PSG1: variants seen among roughly 807,000 people sequenced by gnomAD.
PSG1 encodes the protein pregnancy specific beta-1-glycoprotein 1, also known as pregnancy-specific beta-1-glycoprotein 1.
A neutral mutation model predicts 41.4 loss-of-function variants in PSG1; 60 were observed. The observed-to-expected ratio is 1.45, with a 90% CI of 1.18 to 1.80. The LOEUF (loss-of-function observed/expected upper bound fraction) is 1.80. PSG1 is among the 40% of genes most tolerant of loss of function. The pLI is 0.00. For missense variants in PSG1, 806 were observed against 516.9 expected, an observed-to-expected ratio of 1.56 and a Z score of -5.42; for synonymous variants, 256 against 192.9, an observed-to-expected ratio of 1.33 and a Z score of -2.71.
chr19:42,871,350 C>T, intron 3 of PSG1, among the ~76,000 whole-genome samples: 1 of 151,514 alleles, frequency 6.6e-6, no homozygotes, highest in African/African-American at 2.4e-5. Flanking sequence ...ATGGTGGGGG[C>T]ATCCAGGCCA....
chr19:42,871,979 C>T lies in PSG1; in HGVS notation c.497G>A (p.Ser166Asn), dbSNP rs757930979. ...LNPRETMEAV[S>N]LTCDPETPDA... ...TGGAGTCTCAGGGTCACAGGTTAAG[C>T]TCACAGCCTCCATGGTCTCCCTGGG... Residue 166 changes from serine (S) to asparagine (N), a missense_variant, in exon 3 of 6, where the codon AGC (serine) becomes AAC (asparagine). Physicochemically the swap from Ser to Asn is conservative, Grantham distance 46. Coordinates refer to ENST00000436291, the MANE Select transcript of PSG1 (RefSeq NM_001184825.2). 1 of 1,612,506 alleles carries T rather than the reference C, an allele frequency of 6.2e-7. No individual in the cohort carries two copies. Among genetic ancestry groups the T allele is most frequent in the East Asian group, 2.2e-5 (1 of 44,792 alleles).
Position 42,868,711 on chromosome 19 carries a change from A to G in PSG1, c.988+45T>C, listed in dbSNP as rs578152046. ...AGAGGCCTGGCATCTGGTGGTTTGG[A>G]TTTAAGCTGGTGTCCTGGCCCACAG... On this transcript the variant is annotated intron_variant, in intron 4 of 5. Transcript: ENST00000436291. 5 of 1,606,272 alleles carry G rather than the reference A, an allele frequency of 3.1e-6. No individual in the cohort carries two copies. The East Asian group carries it at 8.9e-5, about 29-fold the overall frequency.
chr19:42,879,379 T>C (rs184592675), intron 1 of PSG1, 139 bp downstream of exon 1: 27 of 1,354,774 alleles, frequency 2.0e-5, no homozygotes, highest in East Asian at 1.3e-4. Context: ...ATCTTGAACT[T>C]CTGATCTCAT....
intron 3 of PSG1, 183 bp from the exon 4 acceptor site, chr19:42,869,217 C>T: frequency 1.5e-6 from 2 of 1,338,152 alleles, no homozygotes; most frequent in Non-Finnish European, 2.0e-6. Flanking sequence ...TGTGAGGCCG[C>T]CTTCTCTGTC....
intron 2 of PSG1, among the ~76,000 whole-genome samples, chr19:42,872,609 C>T (rs986637512): frequency 5.3e-5 from 8 of 151,596 alleles, no homozygotes; most frequent in Non-Finnish European, 1.0e-4. Flanking sequence ...AGTCATCAGG[C>T]AGTGGAGCCA....
intron 2 of PSG1, among the ~76,000 whole-genome samples, chr19:42,874,974 T>A (rs895697565): frequency 6.6e-6 from 1 of 151,678 alleles, no homozygotes; most frequent in Non-Finnish European, 1.5e-5. Flanking sequence ...AAGCCAGAAG[T>A]CTATAGGAAG....
At position 42,868,790 on chromosome 19, in the gene PSG1, G is replaced by A. The variant is rs1208230524; in HGVS notation, c.954C>T (p.Gly318=). The part of the protein sequence containing the change: ...YQCEIRDRYG[G]IRSDPVTLNV... Reference sequence around the variant, plus strand: ...TCAGGGTGACTGGGTCACTGCGGATGCCACCATATCGGTCCCGTATTTCAC... The same window carrying A: ...TCAGGGTGACTGGGTCACTGCGGATACCACCATATCGGTCCCGTATTTCAC... Residue 318 remains glycine (G), a synonymous_variant, in exon 4 of 6, where the codon GGC becomes GGT. Coordinates refer to ENST00000436291, the MANE Select transcript of PSG1 (RefSeq NM_001184825.2). 4.3e-6 allele frequency: 7 copies of A among 1,611,928 alleles called. No homozygotes were observed. Among genetic ancestry groups the A allele is most frequent in the African/African-American group, 4.0e-5 (3 of 74,674 alleles).
chr19:42,869,117 C>A lies in PSG1; in HGVS notation c.710-83G>T. ...TATCCTTCAATCAGAGTTGGCATCT[C>A]CCACCTCTCATTCCACCCGAGTCCT... On this transcript the variant is annotated intron_variant, in intron 3 of 5. Coordinates refer to ENST00000436291, the MANE Select transcript of PSG1 (RefSeq NM_001184825.2). 6 of 1,572,960 alleles carry A rather than the reference C, an allele frequency of 3.8e-6. 1 individual carries two copies. The highest frequency in any genetic ancestry group is 4.3e-6 in the Non-Finnish European group (5 of 1,159,668).
intron 5 of PSG1, chr19:42,867,866 T>A (rs551195677): frequency 7.4e-7 from 1 of 1,354,302 alleles, no homozygotes; most frequent in African/African-American, 1.5e-5. Context: ...ATTATTTCAA[T>A]GAAATCAATG....
intron 2 of PSG1, among the ~76,000 whole-genome samples, chr19:42,872,506 C>T (rs1971436451): frequency 1.3e-5 from 2 of 151,630 alleles, no homozygotes. Flanking sequence ...TTCCCATTGT[C>T]CTTAAAACCT....
At chr19:42,871,679 T>G in intron 3 of PSG1, 88 bp downstream of exon 3, 1 of 1,611,766 alleles carries the variant, frequency 6.2e-7, no homozygotes, top group Non-Finnish European at 8.5e-7. Flanking sequence ...GTCTCTGTAT[T>G]GGACCTGAGA....
intron 2 of PSG1, among the ~76,000 whole-genome samples, chr19:42,874,835 C>A (rs573907114): frequency 2.0e-5 from 3 of 150,954 alleles, no homozygotes; most frequent in Admixed American, 2.0e-4. Flanking sequence ...GTCAAGAGTC[C>A]ACTCAGAGAT....
intron 2 of PSG1, among the ~76,000 whole-genome samples, chr19:42,875,685 T>A (rs1195803778): frequency 3.3e-5 from 5 of 151,400 alleles, no homozygotes; most frequent in Non-Finnish European, 5.9e-5. Context: ...TCCTTGAAAA[T>A]CTCTAAGCCC....
chr19:42,873,721 G>A (rs752928634), intron 2 of PSG1, among the ~76,000 whole-genome samples: 1 of 151,660 alleles, frequency 6.6e-6, no homozygotes, highest in Non-Finnish European at 1.5e-5. Context: ...GACCGAACTG[G>A]TCAGTGCATC....
At chr19:42,867,290 A>G in intron 5 of PSG1, 140 bp from the exon 6 acceptor site, 1 of 674,294 alleles carries the variant, frequency 1.5e-6, no homozygotes, top group Non-Finnish European at 2.7e-6. Flanking sequence ...CAGTAGAATA[A>G]GTTTGTTTGC....
chr19:42,867,645 T>A lies in PSG1; in HGVS notation c.1243+456A>T, dbSNP rs1222897516. The A allele has an allele frequency of 5.4e-6, 4 of 743,786 alleles. No homozygotes were observed. The African/African-American group carries it at 7.1e-5, about 13-fold the overall frequency. 46.1% of individuals were successfully genotyped at this position (743,786 alleles called of 1,614,324 possible). The stretch of plus-strand genomic sequence containing the variant: ...TGTGTATTACCATAAACATATCAAT[T>A]CTCATGAATAGTTGCCCAATTCTGG... On this transcript the variant is annotated intron_variant, in intron 5 of 5. Coordinates refer to ENST00000436291, the MANE Select transcript of PSG1 (RefSeq NM_001184825.2).
chr19:42,872,922 GT>G (rs1210160162), intron 2 of PSG1, among the ~76,000 whole-genome samples: 2 of 151,798 alleles, frequency 1.3e-5, no homozygotes, highest in African/African-American at 2.4e-5. Context: ...TGGACCATAT[GT>G]GTTTGGTGAA....
At chr19:42,867,965 T>C (rs920151172) in intron 5 of PSG1, 136 bp downstream of exon 5, 6 of 1,594,666 alleles carry the variant, frequency 3.8e-6, no homozygotes, top group Middle Eastern at 2.3e-4. Context: ...ATTTGGAGGG[T>C]TCAGGAGGAG....
rs182880386 is a variant in PSG1 at position 42,867,196 on chromosome 19, G to A, written c.1244-46C>T. 6.0e-4 allele frequency: 456 copies of A among 765,120 alleles called. 11 individuals carry two copies. In the African/African-American group the frequency reaches 6.8e-3, roughly 11 times the overall value. 47.4% of individuals were successfully genotyped at this position (765,120 alleles called of 1,614,324 possible). A position where few individuals can be genotyped will look rare whatever the true frequency, so the allele number is the denominator to read the frequency against. ...CACAGAAACAATGAACAGAGCTGCAGTCTCATAACAGGTATACTACAGTTT... is the reference window on the plus strand; with the variant it reads ...CACAGAAACAATGAACAGAGCTGCAATCTCATAACAGGTATACTACAGTTT... On this transcript the variant is annotated intron_variant, in intron 5 of 5. Transcript: ENST00000436291.
Sources: allele counts gnomAD v4.1 joint callset (sites outside exome capture counted in the v4.1 genomes callset), GRCh38; gene constraint gnomAD v4.1.1; transcripts MANE v1.5; gene names NCBI Gene and HGNC (gene_info 2026-07-23, HGNC 2026-07-21).